Variants in SPATA1 observed in about 807,000 individuals in gnomAD.
SPATA1 encodes the protein spermatogenesis associated 1.
Under a neutral mutation model 59.6 loss-of-function variants are expected in SPATA1, and 57 were observed. The observed-to-expected ratio is 0.96, with a 90% CI of 0.77 to 1.19. The LOEUF is 1.19. Ranked by LOEUF, SPATA1 falls within the 50% of genes most tolerant of loss-of-function variation. The pLI, the probability that SPATA1 is intolerant of heterozygous loss-of-function variation, is 0.00. For missense variants in SPATA1, 448 were observed against 480.7 expected, an observed-to-expected ratio of 0.93 and a Z score of 0.64; for synonymous variants, 147 against 163.9, an observed-to-expected ratio of 0.90 and a Z score of 0.79.
intron 12 of SPATA1, chr1:84,551,240 G>A: frequency 2.0e-6 from 2 of 984,922 alleles, no homozygotes; most frequent in South Asian, 4.7e-5. Context: ...TTATATGAAT[G>A]CTCTCATTTC....
chr1:84,553,280 A>G (rs1406424181), exon 13 of SPATA1: 8 of 462,244 alleles, frequency 1.7e-5, no homozygotes, highest in Non-Finnish European at 3.1e-5. Flanking sequence ...TTCAGGAAAT[A>G]TTAGATGTAA....
At chr1:84,556,710 CAAAAA>C (rs11417377), downstream of SPATA1, among the ~76,000 whole-genome samples, 1 of 93,490 alleles carries the variant, frequency 1.1e-5, no homozygotes, top group African/African-American at 3.7e-5. Flanking sequence ...GACTCCGTCT[CAAAAA>C]AAAAAAAAAA....
intron 4 of SPATA1, among the ~76,000 whole-genome samples, chr1:84,523,066 G>A (rs11163996): frequency 4.1e-4 from 62 of 151,966 alleles, no homozygotes; most frequent in African/African-American, 1.4e-3. Context: ...CACCACGCCC[G>A]GCTAAGTTTT....
At chr1:84,551,897 T>A (rs905462160) in intron 12 of SPATA1, 1 of 152,194 alleles carries the variant, frequency 6.6e-6, no homozygotes, top group Admixed American at 6.6e-5. Context: ...CCCCTCATGC[T>A]GTTTTCTTCT....
At chr1:84,524,869 A>G (rs988120829) in intron 4 of SPATA1, among the ~76,000 whole-genome samples, 1 of 152,240 alleles carries the variant, frequency 6.6e-6, no homozygotes, top group Admixed American at 6.5e-5. Flanking sequence ...TTTCCCAAGT[A>G]GAATATAACC....
chr1:84,551,304 T>A (rs367944253), intron 12 of SPATA1: 11 of 974,942 alleles, frequency 1.1e-5, no homozygotes, highest in Middle Eastern at 5.3e-4. Flanking sequence ...TAGAATTAGC[T>A]CTTTTTAAAA....
At chr1:84,560,797 T>C (rs1404192813) in intron 4 of SPATA1, among the ~76,000 whole-genome samples, 1 of 152,188 alleles carries the variant, frequency 6.6e-6, no homozygotes, top group Non-Finnish European at 1.5e-5. Context: ...CTGCCTGTGA[T>C]CTATAAATGG....
intron 6 of SPATA1, among the ~76,000 whole-genome samples, chr1:84,529,576 CTTTTTTTTTT>C (rs761561650): frequency 2.2e-5 from 2 of 91,348 alleles, no homozygotes; most frequent in South Asian, 4.3e-4. Flanking sequence ...GGTAATATGC[CTTTTTTTTTT>C]TTTTTTTTTT....
chr1:84,566,011 A>C, exon 5 of SPATA1: 1 of 1,519,698 alleles, frequency 6.6e-7, no homozygotes, highest in Non-Finnish European at 8.8e-7. Context: ...ATCAAAGGTT[A>C]CCTGTGGAAA....
chr1:84,562,419 A>T (rs1477358219), intron 4 of SPATA1, among the ~76,000 whole-genome samples: 1 of 152,238 alleles, frequency 6.6e-6, no homozygotes, highest in African/African-American at 2.4e-5. Context: ...ACACATGTAT[A>T]TCAATTATAA....
downstream of SPATA1, chr1:84,555,332 G>T: frequency 1.6e-6 from 1 of 611,766 alleles, no homozygotes; most frequent in South Asian, 3.1e-5. Context: ...ATTCAAAAAG[G>T]ATACAATGAA....
At chr1:84,511,487 C>T (rs1054238494) in intron 1 of SPATA1, among the ~76,000 whole-genome samples, 1 of 152,030 alleles carries the variant, frequency 6.6e-6, no homozygotes, top group Non-Finnish European at 1.5e-5. Flanking sequence ...AACCTCATTC[C>T]TCAATTGGCT....
At chr1:84,543,420 G>A (rs975557222) in intron 8 of SPATA1, among the ~76,000 whole-genome samples, 1 of 152,234 alleles carries the variant, frequency 6.6e-6, no homozygotes, top group East Asian at 1.9e-4. Flanking sequence ...TCTGCAGGCT[G>A]TACAGGAAGC....
In SPATA1 at chr1:84,513,842, A is replaced by ATTTTTTTTTTTTTTT. The variant is rs60377217; in HGVS notation, c.-137-2378_-137-2364dup. 3.2e-5 allele frequency among the ~76,000 whole-genome samples: 4 copies of ATTTTTTTTTTTTTTT among 125,050 alleles called. 1 individual carries two copies. Among genetic ancestry groups the ATTTTTTTTTTTTTTT allele is most frequent in the African/African-American group, 6.5e-5 (2 of 30,968 alleles). 82.0% of individuals were successfully genotyped at this position (125,050 alleles called of 152,430 possible). A position where few individuals can be genotyped will look rare whatever the true frequency, so the allele number is the denominator to read the frequency against. On this transcript the variant is annotated intron_variant, in intron 1 of 12. Transcript: ENST00000490879. ...TGATGACTTCTCTTTTCTATATTCTATTTTTTTTTTTTTTTTTGAGACGGA... is the reference window on the plus strand; with the variant it reads ...TGATGACTTCTCTTTTCTATATTCTATTTTTTTTTTTTTTTTTTTTTTTTTTTTTTTTGAGACGGA...
chr1:84,549,037 A>G lies in SPATA1; in HGVS notation c.1125+73A>G, dbSNP rs898896075. ...CACATGCTTTATAAGTGCTAGTAGTATCACAAGATGCATTAGGCTAACTTT... is the reference window on the plus strand; with the variant it reads ...CACATGCTTTATAAGTGCTAGTAGTGTCACAAGATGCATTAGGCTAACTTT... On this transcript the variant is annotated intron_variant, in intron 11 of 12. Coordinates refer to ENST00000490879, the Ensembl canonical transcript of SPATA1. 8.9e-6 allele frequency: 12 copies of G among 1,344,838 alleles called. No homozygotes were observed. The East Asian group carries it at 3.0e-4, about 33-fold the overall frequency. The allele number at this position is 1,344,838 out of a possible 1,614,324, so 83.3% of individuals were successfully genotyped here. A position where few individuals can be genotyped will look rare whatever the true frequency, so the allele number is the denominator to read the frequency against.
At chr1:84,513,260 G>T (rs577495299) in intron 1 of SPATA1, among the ~76,000 whole-genome samples, 1 of 152,112 alleles carries the variant, frequency 6.6e-6, no homozygotes, top group South Asian at 2.1e-4. Flanking sequence ...CTCAGTCTCC[G>T]GAGTAGCTGG....
downstream of SPATA1, among the ~76,000 whole-genome samples, chr1:84,558,774 G>A (rs549071973): frequency 5.9e-5 from 9 of 151,896 alleles, no homozygotes; most frequent in Non-Finnish European, 8.8e-5. Context: ...GATGGCACAC[G>A]CCTATGGTCC....
chr1:84,514,009 T>C (rs763247868), intron 1 of SPATA1, among the ~76,000 whole-genome samples: 4 of 151,392 alleles, frequency 2.6e-5, no homozygotes, highest in Non-Finnish European at 4.4e-5. Context: ...ACCTGGCTCA[T>C]TTTTTTTGTA....
At chr1:84,509,766 CAAAAAA>C (rs1370997137) in intron 1 of SPATA1, among the ~76,000 whole-genome samples, 1 of 151,656 alleles carries the variant, frequency 6.6e-6, no homozygotes, top group African/African-American at 2.4e-5. Flanking sequence ...ACCCATCTCT[CAAAAAA>C]AGAAAAGAAA....
Sources: gnomAD v4.1 joint callset for allele counts (sites outside exome capture counted in the v4.1 genomes callset) on GRCh38, gnomAD v4.1.1 for gene constraint, MANE v1.5 for transcripts, NCBI Gene and HGNC (gene_info 2026-07-23, HGNC 2026-07-21) for gene names.